ZNF804A: variants seen among roughly 807,000 people sequenced by gnomAD.
ZNF804A encodes zinc finger protein 804A.
ZNF804A carries 2 observed loss-of-function variants against 16.5 expected under a neutral mutation model. That is an observed-to-expected ratio of 0.12 (90% CI 0.05 to 0.38). The LOEUF (loss-of-function observed/expected upper bound fraction) is 0.38, where lower values mean the gene tolerates loss of function less well. ZNF804A is among the 10% of genes least tolerant of loss of function. The pLI is 0.99. For missense variants in ZNF804A, 1,473 were observed against 1,390.7 expected (o/e 1.06, Z -0.94); for synonymous variants, 534 against 489.6 (o/e 1.09, Z -1.20).
chr2:184,640,018 T>A (rs1691768431), intron 1 of ZNF804A, among the ~76,000 whole-genome samples: 1 of 151,634 alleles, frequency 6.6e-6, no homozygotes, highest in South Asian at 2.1e-4. Flanking sequence ...GTAAATTAAT[T>A]TAATAAATAA....
At chr2:184,675,638 T>C (rs1016588822) in intron 1 of ZNF804A, among the ~76,000 whole-genome samples, 1 of 151,740 alleles carries the variant, frequency 6.6e-6, no homozygotes, top group Non-Finnish European at 1.5e-5. Flanking sequence ...ATTCTCACAA[T>C]AACGCTATTA....
At chr2:184,869,277 G>A (rs1033257358) in intron 2 of ZNF804A, among the ~76,000 whole-genome samples, 4 of 152,000 alleles carry the variant, frequency 2.6e-5, no homozygotes, top group Non-Finnish European at 5.9e-5. Flanking sequence ...AGTCACTTAA[G>A]CACTTAAGTG....
chr2:184,783,326 T>C (rs2105774984), intron 1 of ZNF804A, among the ~76,000 whole-genome samples: 1 of 151,668 alleles, frequency 6.6e-6, no homozygotes, highest in African/African-American at 2.4e-5. Flanking sequence ...TCCAAGTTTT[T>C]ATTATAAACT....
At chr2:184,773,027 T>C (rs1428107202) in intron 1 of ZNF804A, among the ~76,000 whole-genome samples, 1 of 148,468 alleles carries the variant, frequency 6.7e-6, no homozygotes, top group Non-Finnish European at 1.5e-5. Flanking sequence ...CACACACAAA[T>C]ATATATGTGT....
chr2:184,697,096 G>T (rs1559128949), intron 1 of ZNF804A, among the ~76,000 whole-genome samples: 1 of 152,002 alleles, frequency 6.6e-6, no homozygotes, highest in Admixed American at 6.6e-5. Flanking sequence ...ACCTCTGCAT[G>T]TGTGAAGAAG....
intron 2 of ZNF804A, among the ~76,000 whole-genome samples, chr2:184,897,430 C>T (rs1574261588): frequency 6.6e-6 from 1 of 150,978 alleles, no homozygotes; most frequent in African/African-American, 2.4e-5. Flanking sequence ...CCCTTTTTTC[C>T]CCTTTCCATA....
rs149950164 is a variant in ZNF804A, at chr2:184,750,754, C to T, written c.112-115615C>T. 2.6e-5 allele frequency among the ~76,000 whole-genome samples: 4 copies of T among 151,468 alleles called. No individual in the cohort carries two copies. The Admixed American group carries it at 2.6e-4, about 10-fold the overall frequency. On this transcript the variant is annotated intron_variant, in intron 1 of 3. Coordinates refer to ENST00000302277, the MANE Select transcript of ZNF804A (RefSeq NM_194250.2). ...ACTATTGTTAACTATAGGCACTATG[C>T]TATATAGTAAACCTCTAGGAATTAT...
At chr2:184,692,891 A>G (rs191526210) in intron 1 of ZNF804A, among the ~76,000 whole-genome samples, 2,412 of 152,320 alleles carry the variant, frequency 0.016, 28 homozygotes, top group Admixed American at 0.032. Flanking sequence ...CAAATAAAAA[A>G]AATACATAGC....
intron 1 of ZNF804A, among the ~76,000 whole-genome samples, chr2:184,853,959 T>C (rs1007375547): frequency 6.6e-6 from 1 of 151,744 alleles, no homozygotes; most frequent in Non-Finnish European, 1.5e-5. Flanking sequence ...TTCCTCTTCT[T>C]CAACTTTTTG....
In ZNF804A at chr2:184,936,546, G is replaced by C; in HGVS notation, c.1150G>C (p.Glu384Gln). The change falls in exon 4 of 4, where the codon GAG (glutamate) becomes CAG (glutamine). Residue 384 changes from glutamate (E) to glutamine (Q), a missense_variant. Transcript: ENST00000302277. ...CACAGAGGAAAATGTTAAGCATAAC[G>C]AGGCATCCACAACTGAGGTTGAAAA... ...ATTEENVKHNEASTTEVENKN... is the reference protein window; with the variant it reads ...ATTEENVKHNQASTTEVENKN... 6.2e-7 allele frequency: 1 copy of C among 1,613,938 alleles called. No individual in the cohort carries two copies. The highest frequency in any genetic ancestry group is 8.5e-7 in the Non-Finnish European group (1 of 1,179,930).
intron 2 of ZNF804A, among the ~76,000 whole-genome samples, chr2:184,882,521 A>G (rs1403994811): frequency 6.6e-6 from 1 of 152,050 alleles, no homozygotes; most frequent in Non-Finnish European, 1.5e-5. Flanking sequence ...TCATTTTCAC[A>G]TGGCACATAC....
At chr2:184,785,966 T>C (rs1004046917) in intron 1 of ZNF804A, among the ~76,000 whole-genome samples, 1 of 152,002 alleles carries the variant, frequency 6.6e-6, no homozygotes, top group Non-Finnish European at 1.5e-5. Flanking sequence ...TCAATACTTG[T>C]TACGTTGGGA....
At position 184,831,623 on chromosome 2, in the gene ZNF804A, CT is replaced by C. The variant is rs557884464; in HGVS notation, c.112-34745del. Among the ~76,000 whole-genome samples, 610 of 151,782 alleles carry C rather than the reference CT, an allele frequency of 4.0e-3. 2 individuals are homozygous for C. The highest frequency in any genetic ancestry group is 6.8e-3 in the Middle Eastern group (2 of 294). ...GGAACTGCCTGTTGACAGGTGATTG[CT>C]ATGTATATTTAGATTTAGATTTGAA... On this transcript the variant is annotated intron_variant, in intron 1 of 3. Coordinates refer to ENST00000302277, the MANE Select transcript of ZNF804A (RefSeq NM_194250.2).
intron 1 of ZNF804A, among the ~76,000 whole-genome samples, chr2:184,663,353 T>C (rs1279628791): frequency 6.6e-6 from 1 of 152,008 alleles, no homozygotes; most frequent in Non-Finnish European, 1.5e-5. Flanking sequence ...ACGTGCCGGG[T>C]GGTGCTGATA....
At chr2:184,832,002 G>A (rs574785130) in intron 1 of ZNF804A, among the ~76,000 whole-genome samples, 54 of 152,024 alleles carry the variant, frequency 3.6e-4, no homozygotes, top group African/African-American at 1.3e-3. Context: ...GGAGATTCAA[G>A]GATAAATAAT....
intron 1 of ZNF804A, among the ~76,000 whole-genome samples, chr2:184,693,291 A>G (rs1489314834): frequency 6.6e-6 from 1 of 152,172 alleles, no homozygotes; most frequent in Non-Finnish European, 1.5e-5. Context: ...TATGAGTTGG[A>G]AAGTATTTAA....
At chr2:184,664,725 T>A (rs560347585) in intron 1 of ZNF804A, among the ~76,000 whole-genome samples, 2 of 152,350 alleles carry the variant, frequency 1.3e-5, no homozygotes, top group African/African-American at 4.8e-5. Flanking sequence ...CATGTTTACA[T>A]TATTCTTGTT....
At chr2:184,799,710 C>A (rs947435376) in intron 1 of ZNF804A, among the ~76,000 whole-genome samples, 1 of 151,772 alleles carries the variant, frequency 6.6e-6, no homozygotes, top group African/African-American at 2.4e-5. Flanking sequence ...TTATTTTTTT[C>A]TTTTTTTGTA....
chr2:184,862,130 T>C (rs1695810309), intron 1 of ZNF804A, among the ~76,000 whole-genome samples: 1 of 152,208 alleles, frequency 6.6e-6, no homozygotes, highest in Admixed American at 6.5e-5. Context: ...TTGGATTGTA[T>C]ATATAAGAAC....
Sources: gnomAD v4.1 joint callset for allele counts (sites outside exome capture counted in the v4.1 genomes callset) on GRCh38, gnomAD v4.1.1 for gene constraint, MANE v1.5 for transcripts, NCBI Gene and HGNC (gene_info 2026-07-23, HGNC 2026-07-21) for gene names.